Variants in TDP1 observed in about 807,000 individuals in gnomAD.
TDP1 encodes tyr-DNA phosphodiesterase 1.
In TDP1, 64 loss-of-function variants were observed where a neutral mutation model predicts 81.5. The observed-to-expected ratio is 0.79, with a 90% CI of 0.64 to 0.97. The LOEUF is 0.97. Ranked by LOEUF, TDP1 falls within the 50% of genes least tolerant of loss-of-function variation. The pLI is 0.00. For synonymous variants in TDP1, 256 were observed against 264.3 expected (o/e 0.97, Z 0.30); for missense variants, 723 against 743.8 (o/e 0.97, Z 0.33).
chr14:90,021,314 C>A (rs1654171746), intron 15 of TDP1, among the ~76,000 whole-genome samples: 1 of 152,128 alleles, frequency 6.6e-6, no homozygotes, highest in Non-Finnish European at 1.5e-5. Flanking sequence ...TTGTGGGAAA[C>A]AATGAAGTCA....
At position 90,044,166 on chromosome 14, in the gene TDP1, G is replaced by A. The variant is rs920654628; in HGVS notation, c.*1023G>A. Reference sequence around the variant, plus strand: ...ACCCAAACACCTGCCTAGGGTAAATGGGTCTCTCTTCTATCCCCAGAAACT... The same window carrying A: ...ACCCAAACACCTGCCTAGGGTAAATAGGTCTCTCTTCTATCCCCAGAAACT... On this transcript the variant is annotated 3_prime_UTR_variant, in exon 17 of 17. Coordinates refer to ENST00000335725, the MANE Select transcript of TDP1 (RefSeq NM_018319.4). The A allele has an allele frequency of 6.6e-6, 1 of 152,192 alleles. No individual in the cohort carries two copies. Among genetic ancestry groups the A allele is most frequent in the African/African-American group, 2.4e-5 (1 of 41,420 alleles). 9.4% of individuals were successfully genotyped at this position (152,192 alleles called of 1,614,324 possible).
At position 90,018,607 on chromosome 14, in the gene TDP1, C is replaced by T. The variant is rs146660417; in HGVS notation, c.1542-709C>T. The stretch of plus-strand genomic sequence containing the variant: ...TTCCAAGTAGCTAGGACTGTAGGTT[C>T]GCGTCACCATGCCTGGCTAATGTTT... On this transcript the variant is annotated intron_variant, in intron 14 of 16. Coordinates refer to ENST00000335725, the MANE Select transcript of TDP1 (RefSeq NM_018319.4). Among the ~76,000 whole-genome samples, 484 of 152,216 alleles carry T rather than the reference C, an allele frequency of 3.2e-3. 1 individual carries two copies. Among genetic ancestry groups the T allele is most frequent in the African/African-American group, 0.01 (435 of 41,520 alleles).
chr14:90,040,609 A>G (rs1053526494), intron 16 of TDP1, among the ~76,000 whole-genome samples: 1 of 152,248 alleles, frequency 6.6e-6, no homozygotes, highest in Non-Finnish European at 1.5e-5. Context: ...GCACCTAGCA[A>G]ATCTCTGGCA....
At chr14:89,971,055 C>T (rs1280310402) in intron 5 of TDP1, 120 bp from the exon 6 acceptor site, 12 of 794,420 alleles carry the variant, frequency 1.5e-5, no homozygotes, top group East Asian at 1.1e-4. Flanking sequence ...AGTCTGGTCT[C>T]GAACTCCTGA....
At chr14:89,985,486 C>A (rs1180462542) in intron 10 of TDP1, among the ~76,000 whole-genome samples, 1 of 152,120 alleles carries the variant, frequency 6.6e-6, no homozygotes, top group Non-Finnish European at 1.5e-5. Flanking sequence ...CATACACATA[C>A]TGTAGCTTTG....
chr14:90,014,751 C>G (rs77326187), intron 14 of TDP1, among the ~76,000 whole-genome samples: 8,107 of 152,162 alleles, frequency 0.053, 349 homozygotes, highest in African/African-American at 0.12. Flanking sequence ...TGTACATCTT[C>G]TTAAAAAAAA....
At chr14:90,023,106 A>G (rs1252244480) in intron 15 of TDP1, 4 of 758,170 alleles carry the variant, frequency 5.3e-6, no homozygotes, top group Non-Finnish European at 9.6e-6. Context: ...GAGGAAACAG[A>G]CACTGGTGAT....
intron 2 of TDP1, among the ~76,000 whole-genome samples, chr14:89,961,276 A>AGTCT (rs1892294048): frequency 6.6e-6 from 1 of 152,248 alleles, no homozygotes; most frequent in African/African-American, 2.4e-5. Flanking sequence ...GGTCAGAACC[A>AGTCT]GTCTGTGGTT....
chr14:90,044,409 CTGTT>C lies in TDP1; in HGVS notation c.*1272_*1275del, dbSNP rs968748037. ...TGTTCTCCCTAGGGTGCTTTAGACC[CTGTT>C]TGTTTTCTTCTGCATGAGGCTGATT... On this transcript the variant is annotated 3_prime_UTR_variant, in exon 17 of 17. Transcript: ENST00000335725. 1 of 152,188 alleles carries C rather than the reference CTGTT, an allele frequency of 6.6e-6. No homozygotes were observed. Among genetic ancestry groups the C allele is most frequent in the African/African-American group, 2.4e-5 (1 of 41,438 alleles). 9.4% of individuals were successfully genotyped at this position (152,188 alleles called of 1,614,324 possible).
At chr14:90,039,321 C>A (rs576592714) in intron 16 of TDP1, among the ~76,000 whole-genome samples, 1 of 152,176 alleles carries the variant, frequency 6.6e-6, no homozygotes, top group Admixed American at 6.5e-5. Context: ...TGGCATGTCT[C>A]GTACATTCCT....
chr14:90,011,721 T>G (rs964197296), intron 14 of TDP1, among the ~76,000 whole-genome samples: 17 of 152,188 alleles, frequency 1.1e-4, no homozygotes, highest in Non-Finnish European at 2.4e-4. Flanking sequence ...AGCAGCAAAG[T>G]GTTTGAGGTG....
At chr14:89,970,580 G>C (rs8016664) in intron 5 of TDP1, among the ~76,000 whole-genome samples, 15,375 of 151,878 alleles carry the variant, frequency 0.1, 2,045 homozygotes, top group African/African-American at 0.31. Flanking sequence ...CTTATGTGCC[G>C]TTTTGGGCCA....
At chr14:89,990,777 C>T (rs1896094735) in intron 12 of TDP1, among the ~76,000 whole-genome samples, 1 of 151,796 alleles carries the variant, frequency 6.6e-6, no homozygotes, top group Non-Finnish European at 1.5e-5. Context: ...AGGACATGCC[C>T]TATTTGATAT....
chr14:89,965,061 G>C (rs1892777293), intron 3 of TDP1: 1 of 176,772 alleles, frequency 5.7e-6, no homozygotes, highest in African/African-American at 2.4e-5. Flanking sequence ...TTTGAAAGAT[G>C]GGTAAAATTT....
intron 8 of TDP1, chr14:89,984,106 G>C (rs1231191270): frequency 1.0e-6 from 1 of 985,274 alleles, no homozygotes; most frequent in Non-Finnish European, 1.2e-6. Context: ...GCAAATTCTT[G>C]CTTGGGATTA....
At chr14:90,036,415 T>C (rs954621845) in intron 16 of TDP1, among the ~76,000 whole-genome samples, 6 of 152,206 alleles carry the variant, frequency 3.9e-5, no homozygotes, top group Non-Finnish European at 7.3e-5. Flanking sequence ...TTTCAAGCCA[T>C]TGTAACACCT....
chr14:90,034,556 G>T (rs369043491), intron 16 of TDP1, among the ~76,000 whole-genome samples: 3 of 152,286 alleles, frequency 2.0e-5, no homozygotes, highest in African/African-American at 7.2e-5. Flanking sequence ...GCTTTTATCA[G>T]CCCTGAGAAT....
intron 1 of TDP1, 139 bp downstream of exon 1, chr14:89,956,109 G>C (rs1891551836): frequency 6.6e-6 from 1 of 152,504 alleles, no homozygotes; most frequent in African/African-American, 2.4e-5. Flanking sequence ...CCGCGAGGAA[G>C]CGGCGCGGCC....
intron 16 of TDP1, among the ~76,000 whole-genome samples, chr14:90,040,552 A>G (rs1888261314): frequency 6.6e-6 from 1 of 152,258 alleles, no homozygotes; most frequent in African/African-American, 2.4e-5. Flanking sequence ...CCACTGGACT[A>G]GAAGCCCTGC....
Sources: allele counts gnomAD v4.1 joint callset (sites outside exome capture counted in the v4.1 genomes callset), GRCh38; gene constraint gnomAD v4.1.1; transcripts MANE v1.5; gene names NCBI Gene and HGNC (gene_info 2026-07-23, HGNC 2026-07-21).